The following OS9 variants were observed in gnomAD, a reference collection of about 807,000 sequenced individuals.
OS9 encodes the protein protein OS-9.
In OS9, 58 loss-of-function variants were observed where a neutral mutation model predicts 84.7. The ratio of observed to expected loss-of-function variants is 0.68; its 90% CI spans 0.55 to 0.85. The LOEUF is 0.85. Among genes scored for constraint, OS9 ranks in the 40% least tolerant of loss-of-function variants. OS9 has a pLI of 0.00. For missense variants in OS9, 760 were observed against 850.9 expected (o/e 0.89, Z 1.33); for synonymous variants, 278 against 320.8 (o/e 0.87, Z 1.43).
chr12:57,708,818 T>G (rs1595049904), intron 5 of OS9, among the ~76,000 whole-genome samples: 2 of 152,280 alleles, frequency 1.3e-5, no homozygotes, highest in South Asian at 2.1e-4. Flanking sequence ...TTCCTGGAAG[T>G]AAGTTTGTGT....
rs60321006 is a variant in OS9 at position 57,694,728 on chromosome 12, C to A, written c.163-22C>A. 393 of 1,612,628 alleles carry A rather than the reference C, an allele frequency of 2.4e-4. 3 individuals carry two copies. The East Asian group carries it at 7.8e-3, about 32-fold the overall frequency. ...CAGCCTTTCTTTGCTTCCTTGCCCCCCGACCCTCCCTTCTTTCCCAGAGCC... is the reference window on the plus strand; with the variant it reads ...CAGCCTTTCTTTGCTTCCTTGCCCCACGACCCTCCCTTCTTTCCCAGAGCC... On this transcript the variant is annotated intron_variant, in intron 1 of 14. Coordinates refer to ENST00000315970, the MANE Select transcript of OS9 (RefSeq NM_006812.4).
chr12:57,712,324 A>G (rs1325418618), intron 5 of OS9, among the ~76,000 whole-genome samples: 1 of 151,982 alleles, frequency 6.6e-6, no homozygotes, highest in Non-Finnish European at 1.5e-5. Flanking sequence ...ATTTTCGTTC[A>G]TTTTTGAGGT....
intron 12 of OS9, chr12:57,719,451 C>T (rs1037562257): frequency 2.9e-5 from 13 of 450,188 alleles, no homozygotes; most frequent in Admixed American, 7.6e-5. Flanking sequence ...TAGCACTCTG[C>T]CTGGCACACA....
rs1271880489 is a variant in OS9, at chr12:57,716,043, T to C, written c.791-49T>C. ...GGGTGGCAAAAGATCAAGTATTGAATAGCTGGAGGAATGTGTTCCTGGCCT... is the reference window on the plus strand; with the variant it reads ...GGGTGGCAAAAGATCAAGTATTGAACAGCTGGAGGAATGTGTTCCTGGCCT... On this transcript the variant is annotated intron_variant, in intron 6 of 14. Coordinates refer to ENST00000315970, the MANE Select transcript of OS9 (RefSeq NM_006812.4). The C allele has an allele frequency of 5.0e-6, 8 of 1,592,300 alleles. No homozygotes were observed. The East Asian group carries it at 1.6e-4, about 31-fold the overall frequency.
chr12:57,696,449 AGTCGGGGCGGG>A (rs774127189), intron 5 of OS9, 76 bp downstream of exon 5: 52 of 243,002 alleles, frequency 2.1e-4, no homozygotes, highest in Admixed American at 2.3e-4. Context: ...TGCATCTTAT[AGTCGGGGCGGG>A]GGCGGGGGGG....
chr12:57,718,457 C>T, intron 11 of OS9, 36 bp downstream of exon 11: 4 of 1,594,990 alleles, frequency 2.5e-6, no homozygotes, highest in South Asian at 1.1e-5. Flanking sequence ...CTTCCACAGC[C>T]GCCTGGTCCC....
intron 5 of OS9, among the ~76,000 whole-genome samples, chr12:57,698,989 G>A (rs1212555017): frequency 6.6e-6 from 1 of 152,168 alleles, no homozygotes; most frequent in Non-Finnish European, 1.5e-5. Context: ...AGGCAGCTGT[G>A]GTAATCCAGG....
At chr12:57,705,204 T>C (rs1292354556) in intron 5 of OS9, among the ~76,000 whole-genome samples, 3 of 152,200 alleles carry the variant, frequency 2.0e-5, no homozygotes, top group East Asian at 3.8e-4. Context: ...TCTTCAAAAC[T>C]GTTGGGGCTA....
chr12:57,719,811 G>A, intron 12 of OS9: 1 of 305,834 alleles, frequency 3.3e-6, no homozygotes, highest in Non-Finnish European at 6.1e-6. Flanking sequence ...GAACTTTGTT[G>A]GTGCAGGTGG....
rs1334832165 is a variant in OS9 at position 57,716,109 on chromosome 12, G to A, written c.808G>A (p.Asp270Asn). 6.2e-7 allele frequency: 1 copy of A among 1,613,772 alleles called. No individual in the cohort carries two copies. Among genetic ancestry groups the A allele is most frequent in the South Asian group, 1.1e-5 (1 of 91,072 alleles). ...CTCAGTAGACTCAAAGCAGTATGGA[G>A]ATAAAATCATAGAGGAGCTGCAAGA... Reference protein sequence around the residue: ...QRQADSKQYGDKIIEELQDLG... With the variant: ...QRQADSKQYGNKIIEELQDLG... The change falls in exon 7 of 15, where the codon GAT becomes AAT. Residue 270 changes from aspartate to asparagine, a missense_variant. Transcript: ENST00000315970.
chr12:57,711,292 T>A lies in OS9; in HGVS notation c.580-4468T>A, dbSNP rs185537399. Among the ~76,000 whole-genome samples, 485 of 150,430 alleles carry A rather than the reference T, an allele frequency of 3.2e-3. 13 individuals are homozygous for A. The South Asian group carries it at 0.063, about 19-fold the overall frequency. ...ACACTGTTCTATACCTTGCTTTTAT[T>A]TCCCTGGACAATAAACCTTAGAGAG... On this transcript the variant is annotated intron_variant, in intron 5 of 14. Coordinates refer to ENST00000315970, the MANE Select transcript of OS9 (RefSeq NM_006812.4).
At position 57,720,050 on chromosome 12, in the gene OS9, T is replaced by C. The variant is rs148574019; in HGVS notation, c.1601-49T>C. 4.7e-4 allele frequency: 749 copies of C among 1,578,336 alleles called. 3 individuals are homozygous for C. The African/African-American group carries it at 9.1e-3, about 19-fold the overall frequency. Reference sequence around the variant, plus strand: ...GAGATGACCCCCACACCCCTAACCCTGGAGTCACGCCTCTGCTTTGTGTTT... The same window carrying C: ...GAGATGACCCCCACACCCCTAACCCCGGAGTCACGCCTCTGCTTTGTGTTT... On this transcript the variant is annotated intron_variant, in intron 12 of 14. Transcript: ENST00000315970.
chr12:57,712,281 T>G (rs1048209881), intron 5 of OS9, among the ~76,000 whole-genome samples: 2 of 152,218 alleles, frequency 1.3e-5, no homozygotes, highest in African/African-American at 2.4e-5. Flanking sequence ...CTACTTCAGC[T>G]GCATCCTGTA....
Position 57,716,751 on chromosome 12 carries a change from G to T in OS9, c.1045+7G>T, listed in dbSNP as rs762542408. ...GCTTCTGGTGCTCCCAATGGTGAGT[G>T]AACCTTCCATGTCTCCTTTACTGAA... On this transcript the variant is annotated splice_region_variant and intron_variant, in intron 9 of 14. Coordinates refer to ENST00000315970, the MANE Select transcript of OS9 (RefSeq NM_006812.4). 1.2e-6 allele frequency: 2 copies of T among 1,611,954 alleles called. No homozygotes were observed. The highest frequency in any genetic ancestry group is 2.2e-5 in the East Asian group (1 of 44,882).
At position 57,694,225 on chromosome 12, in the gene OS9, G is replaced by A; in HGVS notation, c.64G>A (p.Ala22Thr). The change falls in exon 1 of 15, where the codon GCA becomes ACA. Residue 22 changes from alanine (A) to threonine (T), a missense_variant. Ala to Thr is a moderately conservative substitution (Grantham distance 58). Coordinates refer to ENST00000315970, the MANE Select transcript of OS9 (RefSeq NM_006812.4). ...GLLLLGLLLP[A>T]SLTGGVGSLN... The stretch of plus-strand genomic sequence containing the variant: ...GCTGCTTCTGGGACTCCTGTTACCC[G>A]CAAGTCTGACCGGCGGTGTCGGGAG... The A allele has an allele frequency of 4.3e-6, 7 of 1,614,176 alleles. No individual in the cohort carries two copies. Among genetic ancestry groups the A allele is most frequent in the Non-Finnish European group, 5.9e-6 (7 of 1,180,006 alleles).
chr12:57,697,759 C>G (rs1953889505), intron 5 of OS9, among the ~76,000 whole-genome samples: 1 of 152,060 alleles, frequency 6.6e-6, no homozygotes, highest in Admixed American at 6.6e-5. Flanking sequence ...TCTCATTGTT[C>G]CCTCTGCCTG....
chr12:57,720,397 C>G lies in OS9; in HGVS notation c.1766-9C>G. On this transcript the variant is annotated splice_polypyrimidine_tract_variant and intron_variant, in intron 13 of 14. Coordinates refer to ENST00000315970, the MANE Select transcript of OS9 (RefSeq NM_006812.4). Reference sequence around the variant, plus strand: ...TCCTCTCCTCTCACTGCATACTGCTCCTTTCCAGGGAAAATTGAGATCAAA... The same window carrying G: ...TCCTCTCCTCTCACTGCATACTGCTGCTTTCCAGGGAAAATTGAGATCAAA... The G allele has an allele frequency of 6.2e-7, 1 of 1,610,520 alleles. No homozygotes were observed. Among genetic ancestry groups the G allele is most frequent in the Non-Finnish European group, 8.5e-7 (1 of 1,176,672 alleles).
intron 5 of OS9, among the ~76,000 whole-genome samples, chr12:57,699,365 C>A (rs79913618): frequency 0.03 from 4,491 of 152,062 alleles, 105 homozygotes; most frequent in South Asian, 0.066. Context: ...ATGAAATCCC[C>A]CAAAGAAAAC....
At chr12:57,704,553 T>C (rs1304668816) in intron 5 of OS9, among the ~76,000 whole-genome samples, 2 of 151,734 alleles carry the variant, frequency 1.3e-5, no homozygotes, top group African/African-American at 4.8e-5. Context: ...AAAAAAGATA[T>C]TAGTCTATTG....
Sources: gnomAD v4.1 joint callset for allele counts (sites outside exome capture counted in the v4.1 genomes callset) on GRCh38, gnomAD v4.1.1 for gene constraint, MANE v1.5 for transcripts, NCBI Gene and HGNC (gene_info 2026-07-23, HGNC 2026-07-21) for gene names.